The following EBF2 variants were observed in gnomAD, a reference collection of about 807,000 sequenced individuals.
The protein encoded by EBF2 is EBF transcription factor 2, also known as transcription factor COE2.
Under a neutral mutation model 72.8 loss-of-function variants are expected in EBF2, and 21 were observed. The observed-to-expected ratio is 0.29, with a 90% CI of 0.20 to 0.42. The LOEUF (loss-of-function observed/expected upper bound fraction) is 0.42, where lower values mean the gene tolerates loss of function less well. Among genes scored for constraint, EBF2 ranks in the 10% least tolerant of loss-of-function variants. The probability of loss-of-function intolerance (pLI) is 1.00; values close to 1 mark genes in which losing one functional copy is unlikely to be tolerated. For synonymous variants in EBF2, 299 were observed against 274.2 expected, an observed-to-expected ratio of 1.09 and a Z score of -0.89; for missense variants, 637 against 731.2, an observed-to-expected ratio of 0.87 and a Z score of 1.49.
intron 6 of EBF2, chr8:26,032,279 T>A (rs1395897908): frequency 2.0e-5 from 3 of 152,210 alleles, no homozygotes; most frequent in Admixed American, 2.0e-4. Flanking sequence ...AACTGAGAAT[T>A]CGTTGGAATA....
Position 25,939,032 on chromosome 8 carries a change from T to C in EBF2, c.552-30477A>G, listed in dbSNP as rs186426015. Among the ~76,000 whole-genome samples the C allele has an allele frequency of 2.6e-3, 398 of 152,246 alleles. 4 individuals are homozygous for C. The highest frequency in any genetic ancestry group is 2.8e-3 in the Non-Finnish European group (193 of 68,018). ...TGGGACAGTCTCTCCCTTTTCCCTGTTGTTCTACACAAACTTCACTACTGT... is the reference window on the plus strand; with the variant it reads ...TGGGACAGTCTCTCCCTTTTCCCTGCTGTTCTACACAAACTTCACTACTGT... On this transcript the variant is annotated intron_variant, in intron 6 of 15. Transcript: ENST00000520164.
chr8:25,992,351 A>C (rs989064000), intron 6 of EBF2, among the ~76,000 whole-genome samples: 2 of 151,110 alleles, frequency 1.3e-5, no homozygotes, highest in African/African-American at 4.9e-5. Context: ...AAAAAAAAAA[A>C]AAAAAAGCAA....
chr8:25,951,931 T>G (rs1803869501), intron 6 of EBF2, among the ~76,000 whole-genome samples: 1 of 152,234 alleles, frequency 6.6e-6, no homozygotes, highest in South Asian at 2.1e-4. Context: ...TTATTAATCA[T>G]TTTCAATCAT....
At chr8:25,885,643 G>C (rs150461889) in intron 10 of EBF2, among the ~76,000 whole-genome samples, 72 of 152,194 alleles carry the variant, frequency 4.7e-4, no homozygotes, top group African/African-American at 1.7e-3. Flanking sequence ...CTCCTATACT[G>C]TTCTCATGGT....
intron 6 of EBF2, among the ~76,000 whole-genome samples, chr8:25,939,393 CGTGT>C (rs1457513918): frequency 6.6e-6 from 1 of 151,948 alleles, no homozygotes; most frequent in African/African-American, 2.4e-5. Flanking sequence ...TCTCCGTGTG[CGTGT>C]GTATGTGTGT....
At chr8:25,896,485 A>G (rs1284346588) in intron 7 of EBF2, among the ~76,000 whole-genome samples, 1 of 152,206 alleles carries the variant, frequency 6.6e-6, no homozygotes, top group Non-Finnish European at 1.5e-5. Context: ...TTTTGCCAAG[A>G]GTGGGAAAAA....
chr8:25,910,409 A>G (rs1803107705), intron 6 of EBF2, among the ~76,000 whole-genome samples: 1 of 152,010 alleles, frequency 6.6e-6, no homozygotes, highest in Non-Finnish European at 1.5e-5. Flanking sequence ...GCTAAACCCA[A>G]ATGGAGGGCT....
chr8:25,898,424 A>C (rs1047140696), intron 7 of EBF2, among the ~76,000 whole-genome samples: 5 of 151,194 alleles, frequency 3.3e-5, no homozygotes, highest in African/African-American at 1.2e-4. Context: ...ACTTTTAAAA[A>C]CCCAATTGAG....
intron 14 of EBF2, among the ~76,000 whole-genome samples, chr8:25,851,276 G>A (rs546409830): frequency 6.6e-6 from 1 of 152,244 alleles, no homozygotes; most frequent in Non-Finnish European, 1.5e-5. Context: ...CCATCTCTAT[G>A]GGCCACTTCC....
chr8:25,950,927 T>C (rs1372042518), intron 6 of EBF2, among the ~76,000 whole-genome samples: 1 of 152,042 alleles, frequency 6.6e-6, no homozygotes. Flanking sequence ...GAAATGAAGA[T>C]AAAAGGGCTT....
chr8:25,933,410 T>C (rs2117148154), intron 6 of EBF2, among the ~76,000 whole-genome samples: 1 of 152,272 alleles, frequency 6.6e-6, no homozygotes, highest in African/African-American at 2.4e-5. Flanking sequence ...CACACAGACT[T>C]CCACCTTATG....
rs57742025 is a variant in EBF2 at position 25,884,511 on chromosome 8, C to G, written c.1009+2244G>C. ...CCAGCCTGCCCAACCCTCCCTCACT[C>G]TCCTTCCCTTACTTCTCACTATCTG... is the stretch of plus-strand genomic sequence containing the variant. On this transcript the variant is annotated intron_variant, in intron 10 of 15. Transcript: ENST00000520164. Among the ~76,000 whole-genome samples, 785 of 152,262 alleles carry G rather than the reference C, an allele frequency of 5.2e-3. 18 individuals carry two copies. The East Asian group carries it at 0.073, about 14-fold the overall frequency.
chr8:25,861,219 A>G lies in EBF2; in HGVS notation c.1172T>C (p.Ile391Thr). ...AGCAATGTCTGCGGCTCGCTTCAAAATGATGTCCTACAAAACAACAGGTTA... is the reference window on the plus strand; with the variant it reads ...AGCAATGTCTGCGGCTCGCTTCAAAGTGATGTCCTACAAAACAACAGGTTA... Reference protein sequence around the residue: ...YGTPHNNQDIILKRAADIAEA... With the variant: ...YGTPHNNQDITLKRAADIAEA... Residue 391 changes from isoleucine (I) to threonine (T), a missense_variant, in exon 13 of 16, where the codon ATT becomes ACT. By Grantham distance (89) the Ile-to-Thr change is moderately conservative. This residue lies in a region of EBF2 where 259 missense variants were observed against 268.1 expected (regional missense o/e 0.97). Coordinates refer to ENST00000520164, the MANE Select transcript of EBF2 (RefSeq NM_022659.4). The G allele has an allele frequency of 1.2e-6, 2 of 1,613,068 alleles. No homozygotes were observed. Among genetic ancestry groups the G allele is most frequent in the Non-Finnish European group, 1.7e-6 (2 of 1,179,336 alleles).
In EBF2 at chr8:25,861,687, C is replaced by T. The variant is rs543770829; in HGVS notation, c.1099-313G>A. On this transcript the variant is annotated intron_variant, in intron 11 of 15. Coordinates refer to ENST00000520164, the MANE Select transcript of EBF2 (RefSeq NM_022659.4). ...GTCATGGAAGTTCTATTAAATGCTACTTTCAGCCCATTCTGTTTTAAAAAT... is the reference window on the plus strand; with the variant it reads ...GTCATGGAAGTTCTATTAAATGCTATTTTCAGCCCATTCTGTTTTAAAAAT... Among the ~76,000 whole-genome samples, 13 of 152,298 alleles carry T rather than the reference C, an allele frequency of 8.5e-5. No individual in the cohort carries two copies. In the South Asian group the frequency reaches 2.7e-3, roughly 32 times the overall value.
intron 6 of EBF2, among the ~76,000 whole-genome samples, chr8:25,987,141 G>A (rs375083689): frequency 3.9e-5 from 6 of 152,266 alleles, no homozygotes; most frequent in Admixed American, 6.5e-5. Context: ...GACAGAAAGA[G>A]CAAGAATATT....
At chr8:25,850,119 G>T (rs557559676) in intron 15 of EBF2, among the ~76,000 whole-genome samples, 2 of 152,208 alleles carry the variant, frequency 1.3e-5, no homozygotes, top group East Asian at 3.9e-4. Context: ...AAAAAAATTT[G>T]ATTATTTTTT....
At chr8:25,972,792 G>A (rs1804210964) in intron 6 of EBF2, among the ~76,000 whole-genome samples, 2 of 151,528 alleles carry the variant, frequency 1.3e-5, no homozygotes, top group Non-Finnish European at 2.9e-5. Flanking sequence ...GGCAATATAA[G>A]CCGTATTTCA....
At chr8:25,875,200 G>A (rs964435615) in intron 10 of EBF2, among the ~76,000 whole-genome samples, 3 of 152,166 alleles carry the variant, frequency 2.0e-5, no homozygotes, top group Non-Finnish European at 4.4e-5. Flanking sequence ...CAGCAAAGAG[G>A]GAGGACGCTC....
intron 6 of EBF2, among the ~76,000 whole-genome samples, chr8:25,969,420 C>A (rs992216822): frequency 6.6e-6 from 1 of 152,172 alleles, no homozygotes; most frequent in Admixed American, 6.5e-5. Flanking sequence ...CAGGTTTCTC[C>A]TGTGCTTTTG....
Sources: allele counts gnomAD v4.1 joint callset (sites outside exome capture counted in the v4.1 genomes callset), GRCh38; gene constraint gnomAD v4.1.1; regional missense constraint gnomAD v4.1.1; transcripts MANE v1.5; gene names NCBI Gene and HGNC (gene_info 2026-07-23, HGNC 2026-07-21).